Variants in MYO16 observed in about 807,000 individuals in gnomAD.
MYO16 encodes the protein myosin XVI.
Under a neutral mutation model 205.3 loss-of-function variants are expected in MYO16, and 94 were observed. The ratio of observed to expected loss-of-function variants is 0.46; its 90% CI spans 0.39 to 0.54. The LOEUF is 0.54. Among genes scored for constraint, MYO16 ranks in the 20% least tolerant of loss-of-function variants. MYO16 has a pLI of 0.00. For missense variants in MYO16, 2,315 were observed against 2,387.5 expected, an observed-to-expected ratio of 0.97 and a Z score of 0.63; for synonymous variants, 988 against 954.0, an observed-to-expected ratio of 1.04 and a Z score of -0.66.
At chr13:109,179,804 A>C (rs574802610) in intron 34 of MYO16, among the ~76,000 whole-genome samples, 171 bp downstream of exon 34, 12 of 152,250 alleles carry the variant, frequency 7.9e-5, no homozygotes, top group Non-Finnish European at 1.2e-4. Context: ...ACCTCAGCTG[A>C]CTGCAATTTT....
chr13:108,554,993 T>C, the MYO16 span, among the ~76,000 whole-genome samples: 18 of 152,278 alleles, frequency 1.2e-4, no homozygotes, highest in East Asian at 3.3e-3. Context: ...CTTATTTATT[T>C]ATTTATTCTA....
chr13:109,044,694 A>G (rs1461290480), intron 23 of MYO16, among the ~76,000 whole-genome samples: 1 of 152,194 alleles, frequency 6.6e-6, no homozygotes, highest in African/African-American at 2.4e-5. Context: ...GATTACCCAC[A>G]CTATTTGTAA....
At chr13:108,571,642 G>T in the MYO16 span, among the ~76,000 whole-genome samples, 1 of 152,088 alleles carries the variant, frequency 6.6e-6, no homozygotes, top group Non-Finnish European at 1.5e-5. Context: ...GGTCTTGTGG[G>T]TTCTCTGGCT....
chr13:109,137,451 T>C (rs1181926722), intron 31 of MYO16, among the ~76,000 whole-genome samples: 6 of 152,252 alleles, frequency 3.9e-5, no homozygotes, highest in Admixed American at 1.3e-4. Context: ...AGAGCAACTC[T>C]GTAATCTTAA....
chr13:108,781,599 TTCA>T (rs1213585105), intron 4 of MYO16, among the ~76,000 whole-genome samples: 9 of 152,168 alleles, frequency 5.9e-5, no homozygotes, highest in Admixed American at 2.0e-4. Flanking sequence ...CTCCCCTCTG[TTCA>T]TCTCCAAAGA....
chr13:108,538,927 T>C, the MYO16 span, among the ~76,000 whole-genome samples: 3 of 152,052 alleles, frequency 2.0e-5, no homozygotes, highest in Non-Finnish European at 2.9e-5. Flanking sequence ...AATGGAAGTT[T>C]TAAATCTTCC....
intron 34 of MYO16, among the ~76,000 whole-genome samples, chr13:109,195,257 G>C (rs1470008010): frequency 6.6e-6 from 1 of 151,974 alleles, no homozygotes; most frequent in Non-Finnish European, 1.5e-5. Flanking sequence ...CCTTTTAAAG[G>C]ATATTTTCCC....
At chr13:108,588,021 T>C in the MYO16 span, among the ~76,000 whole-genome samples, 1 of 152,194 alleles carries the variant, frequency 6.6e-6, no homozygotes, top group Non-Finnish European at 1.5e-5. Context: ...AAATAAAATA[T>C]CTAAATAAGG....
chr13:108,500,425 T>TGGGCC, the MYO16 span, among the ~76,000 whole-genome samples: 1 of 151,702 alleles, frequency 6.6e-6, no homozygotes, highest in Non-Finnish European at 1.5e-5. Flanking sequence ...AGATGGGGTT[T>TGGGCC]CACTGTGTGG....
rs869208826 is a variant in MYO16, at chr13:109,141,699, T to TA, written c.5164+330dup. Among the ~76,000 whole-genome samples the TA allele has an allele frequency of 9.2e-5, 14 of 152,172 alleles. No homozygotes were observed. The highest frequency in any genetic ancestry group is 2.2e-4 in the African/African-American group (9 of 41,434). On this transcript the variant is annotated intron_variant, in intron 32 of 34. Transcript: ENST00000457511. This position sits in a 1 kb window ranked among gnomAD's most constrained non-coding sequence, Gnocchi z 4.1. Reference sequence around the variant, plus strand: ...AATGTTAGCTACTAATTTCTTTTTTTAAAAAAATATTTTTTCCTTATAACG... The same window carrying TA: ...AATGTTAGCTACTAATTTCTTTTTTTAAAAAAAATATTTTTTCCTTATAACG...
chr13:108,830,362 A>G (rs1422972833), intron 9 of MYO16, among the ~76,000 whole-genome samples: 1 of 144,074 alleles, frequency 6.9e-6, no homozygotes, highest in Admixed American at 7.1e-5. Flanking sequence ...AACCAACCCA[A>G]ATGTCCAACA....
At chr13:108,948,933 G>A (rs1883039815) in intron 16 of MYO16, among the ~76,000 whole-genome samples, 1 of 152,158 alleles carries the variant, frequency 6.6e-6, no homozygotes, top group Non-Finnish European at 1.5e-5. Flanking sequence ...GCTATGTTAT[G>A]GACTCACTTT....
chr13:108,929,242 C>A (rs1882145444), intron 16 of MYO16, among the ~76,000 whole-genome samples: 1 of 152,028 alleles, frequency 6.6e-6, no homozygotes, highest in Non-Finnish European at 1.5e-5. Context: ...ATTGTTTAAA[C>A]CATTACAAAA....
chr13:108,655,253 T>A (rs1175522817), intron 1 of MYO16, among the ~76,000 whole-genome samples: 1 of 152,142 alleles, frequency 6.6e-6, no homozygotes, highest in African/African-American at 2.4e-5. Context: ...CCTAGGGACT[T>A]AGTGTCCTGC....
chr13:108,731,010 G>A (rs913074564), intron 4 of MYO16, among the ~76,000 whole-genome samples: 9 of 151,996 alleles, frequency 5.9e-5, no homozygotes, highest in African/African-American at 2.2e-4. Context: ...TTGTTCTTAT[G>A]AGATACAGTT....
upstream of MYO16, among the ~76,000 whole-genome samples, chr13:108,591,315 C>T (rs895182263): frequency 6.6e-6 from 1 of 152,028 alleles, no homozygotes; most frequent in African/African-American, 2.4e-5. Context: ...CTTCAGTCTC[C>T]CAGAAATGGA....
chr13:108,979,006 C>T (rs1884365985), intron 20 of MYO16, among the ~76,000 whole-genome samples: 1 of 151,892 alleles, frequency 6.6e-6, no homozygotes, highest in East Asian at 1.9e-4. Flanking sequence ...ATCTCTATTT[C>T]AACTGTAGTT....
At chr13:108,533,250 C>T in the MYO16 span, among the ~76,000 whole-genome samples, 1 of 152,062 alleles carries the variant, frequency 6.6e-6, no homozygotes, top group Non-Finnish European at 1.5e-5. Context: ...CGAGAGGTAA[C>T]TATTTAAGTG....
At position 108,636,346 on chromosome 13, in the gene MYO16, CTTTTTTTTTTTTTTTTT is replaced by C. The variant is rs71125326; in HGVS notation, c.28+6482_28+6498del. On this transcript the variant is annotated intron_variant, in intron 1 of 34. Transcript: ENST00000457511. ...TAGTCTTAAATGAAAAAATATTTCCCTTTTTTTTTTTTTTTTTTTTTTTTGTGTGTGTGTGTGTGTGT... is the reference window on the plus strand; with the variant it reads ...TAGTCTTAAATGAAAAAATATTTCCCTTTTTTTGTGTGTGTGTGTGTGTGT... Among the ~76,000 whole-genome samples, 598 of 81,352 alleles carry C rather than the reference CTTTTTTTTTTTTTTTTT, an allele frequency of 7.4e-3. 3 individuals are homozygous for C. Among genetic ancestry groups the C allele is most frequent in the African/African-American group, 0.017 (386 of 23,224 alleles). The allele number at this position is 81,352 out of a possible 152,430, so 53.4% of individuals were successfully genotyped here.
Sources: gnomAD v4.1 joint callset for allele counts (sites outside exome capture counted in the v4.1 genomes callset) on GRCh38, gnomAD v4.1.1 for gene constraint, Gnocchi (gnomAD v3.1) non-coding constraint, MANE v1.5 for transcripts, NCBI Gene and HGNC (gene_info 2026-07-23, HGNC 2026-07-21) for gene names.